The following UFM1 variants were observed in gnomAD, a reference collection of about 807,000 sequenced individuals.
UFM1 encodes the protein ubiquitin fold modifier 1.
Under a neutral mutation model 15.4 loss-of-function variants are expected in UFM1, and 9 were observed. The ratio of observed to expected loss-of-function variants is 0.59; its 90% CI spans 0.35 to 1.02. The LOEUF (loss-of-function observed/expected upper bound fraction) is 1.02. Ranked by LOEUF, UFM1 falls within the 50% of genes least tolerant of loss-of-function variation. The pLI is 0.02. For missense variants in UFM1, 98 were observed against 104.7 expected (o/e 0.94, Z 0.28); for synonymous variants, 27 against 36.3 (o/e 0.74, Z 0.92).
At chr13:38,351,807 A>G (rs978506082) in intron 2 of UFM1, among the ~76,000 whole-genome samples, 18 of 152,290 alleles carry the variant, frequency 1.2e-4, no homozygotes, top group African/African-American at 4.1e-4. Context: ...TTTAGTAGGT[A>G]CAACTGTTGT....
chr13:38,357,555 C>A, intron 3 of UFM1, among the ~76,000 whole-genome samples: 1 of 150,718 alleles, frequency 6.6e-6, no homozygotes. Flanking sequence ...GTCCAGTTGA[C>A]CCTTGAATAA....
chr13:38,349,940 A>C lies in UFM1; in HGVS notation c.2+19A>C. On this transcript the variant is annotated intron_variant, in intron 1 of 5. Transcript: ENST00000239878. ...CCACCATGTAAGTGTTTGCTTACCG[A>C]CTGCCATAATTCCTGGTCCAGCTGC... is the stretch of plus-strand genomic sequence containing the variant. 1.2e-6 allele frequency: 2 copies of C among 1,613,962 alleles called. No homozygotes were observed. The highest frequency in any genetic ancestry group is 2.2e-5 in the South Asian group (2 of 91,082).
chr13:38,360,868 T>A lies in UFM1; in HGVS notation c.*90T>A, dbSNP rs1879344625. On this transcript the variant is annotated 3_prime_UTR_variant, in exon 6 of 6. Transcript: ENST00000239878. ...AATTGAAATCAGGCATTTAACATAC[T>A]ATGAAAACACCAGGAGTCAATGATT... 1 of 1,046,458 alleles carries A rather than the reference T, an allele frequency of 9.6e-7. No homozygotes were observed. Among genetic ancestry groups the A allele is most frequent in the African/African-American group, 1.6e-5 (1 of 63,422 alleles). 64.8% of individuals were successfully genotyped at this position (1,046,458 alleles called of 1,614,324 possible). A position where few individuals can be genotyped will look rare whatever the true frequency, so the allele number is the denominator to read the frequency against.
intron 2 of UFM1, 100 bp downstream of exon 2, chr13:38,350,155 A>T (rs1438160133): frequency 6.2e-7 from 1 of 1,613,960 alleles, no homozygotes; most frequent in Admixed American, 1.7e-5. Flanking sequence ...CGCAGTCTTC[A>T]TCTCTTCACT....
intron 3 of UFM1, chr13:38,354,648 A>G (rs143457091): frequency 1.2e-3 from 206 of 169,782 alleles, no homozygotes; most frequent in African/African-American, 4.3e-3. Context: ...CTTGATTCCA[A>G]AATTGCAATT....
At chr13:38,356,106 C>T (rs529799521) in intron 3 of UFM1, among the ~76,000 whole-genome samples, 20 of 151,880 alleles carry the variant, frequency 1.3e-4, no homozygotes, top group Non-Finnish European at 2.7e-4. Context: ...ATAGATTCTA[C>T]ATTTTACATC....
At chr13:38,352,344 A>G (rs1423330390) in intron 2 of UFM1, among the ~76,000 whole-genome samples, 1 of 151,830 alleles carries the variant, frequency 6.6e-6, no homozygotes, top group Non-Finnish European at 1.5e-5. Context: ...TGATCTGCCC[A>G]CCTCGGCCTC....
chr13:38,354,978 G>A, intron 3 of UFM1: 1 of 151,960 alleles, frequency 6.6e-6, no homozygotes, highest in East Asian at 1.9e-4. Context: ...CAAAATGGAA[G>A]TAGTTAATAC....
intron 5 of UFM1, chr13:38,359,556 T>C: frequency 2.4e-6 from 1 of 414,338 alleles, no homozygotes; most frequent in South Asian, 4.0e-5. Flanking sequence ...AACCTAATAG[T>C]GGCTTAAGCA....
At chr13:38,357,753 T>A (rs908899749) in intron 3 of UFM1, among the ~76,000 whole-genome samples, 1 of 151,864 alleles carries the variant, frequency 6.6e-6, no homozygotes, top group Admixed American at 6.6e-5. Context: ...AAAGAAAAAA[T>A]ACTAAGAAAA....
intron 5 of UFM1, 115 bp from the exon 6 acceptor site, chr13:38,360,596 G>A (rs1213464964): frequency 1.4e-6 from 1 of 740,228 alleles, no homozygotes; most frequent in Non-Finnish European, 2.1e-6. Flanking sequence ...TGATGCTTGA[G>A]CTTTTGTACC....
At chr13:38,357,884 T>G (rs1303718147) in intron 3 of UFM1, among the ~76,000 whole-genome samples, 1 of 151,802 alleles carries the variant, frequency 6.6e-6, no homozygotes, top group Non-Finnish European at 1.5e-5. Context: ...TCTTGCTGTC[T>G]CAGGAGTAGC....
intron 3 of UFM1, among the ~76,000 whole-genome samples, chr13:38,356,215 GCTA>G (rs1879086887): frequency 6.6e-6 from 1 of 151,830 alleles, no homozygotes; most frequent in Non-Finnish European, 1.5e-5. Flanking sequence ...GTTATAGGTT[GCTA>G]CTACATGGAT....
rs1878747480 is a variant in UFM1 at position 38,350,017 on chromosome 13, G to C, written c.21G>C (p.Lys7Asn). Residue 7 changes from lysine (K) to asparagine (N), a missense_variant, in exon 2 of 6, where the codon AAG becomes AAC. By Grantham distance (94) the Lys-to-Asn change is moderately conservative. Coordinates refer to ENST00000239878, the MANE Select transcript of UFM1 (RefSeq NM_016617.4). MSKVSF[K>N]ITLTSDPRLP... The stretch of plus-strand genomic sequence containing the variant: ...TCCTCAGGTCGAAGGTTTCCTTTAA[G>C]ATCACGCTGACGTCGGACCCACGGC... The C allele has an allele frequency of 1.2e-6, 2 of 1,614,232 alleles. No individual in the cohort carries two copies. The highest frequency in any genetic ancestry group is 2.2e-5 in the East Asian group (1 of 44,884).
chr13:38,361,983 T>A lies in UFM1; in HGVS notation c.*1205T>A, dbSNP rs1231813800. 1 of 152,196 alleles carries A rather than the reference T, an allele frequency of 6.6e-6. No homozygotes were observed. The allele number at this position is 152,196 out of a possible 1,614,324, so 9.4% of individuals were successfully genotyped here. On this transcript the variant is annotated 3_prime_UTR_variant, in exon 6 of 6. Transcript: ENST00000239878. The stretch of plus-strand genomic sequence containing the variant: ...CATACAGACTTCAAAATACCCCTTA[T>A]GAGAATCCAAAGAATGATGTGTGTA...
At chr13:38,360,590 G>A in intron 5 of UFM1, 121 bp from the exon 6 acceptor site, 1 of 686,358 alleles carries the variant, frequency 1.5e-6, no homozygotes, top group East Asian at 2.9e-5. Flanking sequence ...GTCTCATGAT[G>A]CTTGAGCTTT....
chr13:38,354,543 AT>A, intron 3 of UFM1: 1 of 349,538 alleles, frequency 2.9e-6, no homozygotes. Context: ...TTTTATGAGA[AT>A]TTTTATGAAA....
chr13:38,360,031 G>A (rs1235951472), intron 5 of UFM1: 2 of 379,980 alleles, frequency 5.3e-6, no homozygotes, highest in Admixed American at 3.1e-5. Context: ...AAATTATGTT[G>A]TTTTCACAGG....
rs955236025 is a variant in UFM1 at position 38,363,135 on chromosome 13, A to G, written c.*2357A>G. On this transcript the variant is annotated 3_prime_UTR_variant, in exon 6 of 6. Coordinates refer to ENST00000239878, the MANE Select transcript of UFM1 (RefSeq NM_016617.4). ...AAGTCAGAGAAATTAGTTTATAGTC[A>G]TCTGCCACAGACATAGTAGTGATGT... 3.9e-5 allele frequency: 6 copies of G among 152,226 alleles called. No homozygotes were observed. The highest frequency in any genetic ancestry group is 3.3e-4 in the Admixed American group (5 of 15,278). The allele number at this position is 152,226 out of a possible 1,614,324, so 9.4% of individuals were successfully genotyped here.
Sources: gnomAD v4.1 joint callset for allele counts (sites outside exome capture counted in the v4.1 genomes callset) on GRCh38, gnomAD v4.1.1 for gene constraint, MANE v1.5 for transcripts, NCBI Gene and HGNC (gene_info 2026-07-23, HGNC 2026-07-21) for gene names.